Variants in PAK2 observed in about 807,000 individuals in gnomAD.
The protein encoded by PAK2 is serine/threonine-protein kinase PAK 2.
A neutral mutation model predicts 65.9 loss-of-function variants in PAK2; 21 were observed. The observed-to-expected ratio is 0.32, with a 90% confidence interval of 0.23 to 0.46. The LOEUF (loss-of-function observed/expected upper bound fraction) is 0.46, where lower values mean the gene tolerates loss of function less well. Among genes scored for constraint, PAK2 ranks in the 20% least tolerant of loss-of-function variants. The probability of loss-of-function intolerance (pLI) is 1.00; values close to 1 mark genes in which losing one functional copy is unlikely to be tolerated. For missense variants in PAK2, 324 were observed against 642.6 expected, an observed-to-expected ratio of 0.50 and a Z score of 5.36; for synonymous variants, 204 against 219.7, an observed-to-expected ratio of 0.93 and a Z score of 0.63.
intron 1 of PAK2, among the ~76,000 whole-genome samples, chr3:196,761,497 C>T (rs1410983626): frequency 5.6e-5 from 5 of 89,506 alleles, no homozygotes; most frequent in Non-Finnish European, 1.1e-4. Context: ...CAACAGGATC[C>T]CAAGGCAGAA....
chr3:196,802,085 C>T (rs1715438069), intron 3 of PAK2, 58 bp downstream of exon 3: 3 of 892,882 alleles, frequency 3.4e-6, no homozygotes, highest in Admixed American at 1.9e-5. Flanking sequence ...CAAACATTTT[C>T]CTTCATTATT....
chr3:196,776,216 C>T (rs1377347736), intron 1 of PAK2, among the ~76,000 whole-genome samples: 4 of 152,156 alleles, frequency 2.6e-5, no homozygotes, highest in East Asian at 3.8e-4. Context: ...CATACCAAGG[C>T]CATGGCCAAG....
chr3:196,826,229 T>C (rs1459600564), intron 13 of PAK2, among the ~76,000 whole-genome samples: 1 of 151,932 alleles, frequency 6.6e-6, no homozygotes, highest in Admixed American at 6.6e-5. Flanking sequence ...TGGAGTGCAG[T>C]GGCGCAATCT....
chr3:196,787,105 C>T (rs893901588), intron 2 of PAK2, among the ~76,000 whole-genome samples: 4 of 151,890 alleles, frequency 2.6e-5, no homozygotes, highest in African/African-American at 4.8e-5. Context: ...ATTACAGGCG[C>T]GAGCCACCAC....
chr3:196,776,059 A>G (rs1039268038), intron 1 of PAK2, among the ~76,000 whole-genome samples: 2 of 152,222 alleles, frequency 1.3e-5, no homozygotes, highest in Non-Finnish European at 2.9e-5. Context: ...AGCAGTTCTC[A>G]AAGTGTGGTC....
chr3:196,777,346 G>C (rs1169710194), intron 1 of PAK2, among the ~76,000 whole-genome samples: 1 of 152,126 alleles, frequency 6.6e-6, no homozygotes, highest in East Asian at 1.9e-4. Context: ...TGGGACTACA[G>C]ACACGCGCCA....
Position 196,791,754 on chromosome 3 carries a change from C to G in PAK2, c.187+8921C>G, listed in dbSNP as rs113571163. Among the ~76,000 whole-genome samples the G allele has an allele frequency of 0.011, 1,623 of 152,012 alleles. 32 individuals are homozygous for G. The highest frequency in any genetic ancestry group is 0.037 in the African/African-American group (1,537 of 41,450). On this transcript the variant is annotated intron_variant, in intron 2 of 14. Coordinates refer to ENST00000327134, the MANE Select transcript of PAK2 (RefSeq NM_002577.4). This position sits in a 1 kb window ranked among gnomAD's most constrained non-coding sequence, Gnocchi z 4.0. ...CCTGGCTAACAAGGTGAAACCCCGT[C>G]TCTACTAAAAATACAAAAAGTTAGC...
At chr3:196,808,557 C>CAAAAAAAAAAAAAAAAAAAAA (rs1208200034) in intron 7 of PAK2, among the ~76,000 whole-genome samples, 3 of 56,568 alleles carry the variant, frequency 5.3e-5, no homozygotes, top group African/African-American at 2.0e-4. Flanking sequence ...GACTCCATCT[C>CAAAAAAAAAAAAAAAAAAAAA]AAAAAAAAAA....
intron 12 of PAK2, among the ~76,000 whole-genome samples, chr3:196,819,029 G>T (rs772232614): frequency 1.3e-5 from 2 of 152,014 alleles, no homozygotes; most frequent in Admixed American, 6.6e-5. Flanking sequence ...CTTACATACC[G>T]CAGTAAGTAC....
intron 2 of PAK2, among the ~76,000 whole-genome samples, chr3:196,785,240 C>G (rs1714847974): frequency 6.6e-6 from 1 of 151,988 alleles, no homozygotes; most frequent in East Asian, 1.9e-4. Context: ...AAAACGTTGT[C>G]TTATGAAACA....
At chr3:196,797,546 G>T (rs1715295858) in intron 2 of PAK2, among the ~76,000 whole-genome samples, 1 of 151,988 alleles carries the variant, frequency 6.6e-6, no homozygotes, top group Admixed American at 6.6e-5. Context: ...GAGGTCAGGA[G>T]ATCAAGACCA....
At chr3:196,802,358 G>C (rs1446908433) in intron 3 of PAK2, among the ~76,000 whole-genome samples, 1 of 151,734 alleles carries the variant, frequency 6.6e-6, no homozygotes. Context: ...CAGAGACTGT[G>C]CCATTGCACT....
intron 3 of PAK2, among the ~76,000 whole-genome samples, chr3:196,802,364 G>A (rs1376960099): frequency 6.6e-6 from 1 of 152,148 alleles, no homozygotes; most frequent in East Asian, 1.9e-4. Flanking sequence ...CTGTGCCATT[G>A]CACTCCAGCC....
intron 1 of PAK2, among the ~76,000 whole-genome samples, chr3:196,772,551 C>T (rs938417068): frequency 1.3e-5 from 2 of 152,178 alleles, no homozygotes; most frequent in Non-Finnish European, 2.9e-5. Context: ...TTCTGCATCT[C>T]TTTTCTCGCT....
At chr3:196,802,302 G>A (rs1171989968) in intron 3 of PAK2, among the ~76,000 whole-genome samples, 1 of 152,174 alleles carries the variant, frequency 6.6e-6, no homozygotes, top group East Asian at 1.9e-4. Flanking sequence ...TCAGGAGGCT[G>A]AGGCAGGGGA....
At chr3:196,792,346 G>T (rs1715100590) in intron 2 of PAK2, among the ~76,000 whole-genome samples, 1 of 152,206 alleles carries the variant, frequency 6.6e-6, no homozygotes, top group Non-Finnish European at 1.5e-5. Context: ...AATGTTGAGT[G>T]CACGACCTCA....
chr3:196,809,640 G>T (rs1282980155), intron 7 of PAK2, among the ~76,000 whole-genome samples: 3 of 149,446 alleles, frequency 2.0e-5, no homozygotes, highest in Non-Finnish European at 4.4e-5. Context: ...ATTATTTTAG[G>T]AGAGCTGCTA....
chr3:196,766,656 T>C (rs560050804), intron 1 of PAK2, among the ~76,000 whole-genome samples: 16 of 152,270 alleles, frequency 1.1e-4, no homozygotes, highest in African/African-American at 3.4e-4. Flanking sequence ...ACCAAAAATA[T>C]ATATTCAGAG....
chr3:196,802,079 C>T, intron 3 of PAK2, 52 bp downstream of exon 3: 1 of 892,456 alleles, frequency 1.1e-6, no homozygotes, highest in Non-Finnish European at 1.9e-6. Flanking sequence ...AGCACTCAAA[C>T]ATTTTCCTTC....
Sources: gnomAD v4.1 joint callset for allele counts (sites outside exome capture counted in the v4.1 genomes callset) on GRCh38, gnomAD v4.1.1 for gene constraint, Gnocchi (gnomAD v3.1) non-coding constraint, MANE v1.5 for transcripts, NCBI Gene and HGNC (gene_info 2026-07-23, HGNC 2026-07-21) for gene names.